The following PISD variants were observed in gnomAD, a reference collection of about 807,000 sequenced individuals.
PISD encodes the protein phosphatidylserine decarboxylase.
A neutral mutation model predicts 43.5 loss-of-function variants in PISD; 31 were observed. The ratio of observed to expected loss-of-function variants is 0.71; its 90% CI spans 0.54 to 0.96. PISD has a LOEUF of 0.96. Among genes scored for constraint, PISD ranks in the 40% least tolerant of loss-of-function variants. The probability of loss-of-function intolerance (pLI) is 0.00; values close to 1 mark genes in which losing one functional copy is unlikely to be tolerated. For synonymous variants in PISD, 259 were observed against 228.7 expected (o/e 1.13, Z -1.20); for missense variants, 523 against 548.4 (o/e 0.95, Z 0.46).
chr22:31,639,285 T>G (rs1482101199), intron 3 of PISD, among the ~76,000 whole-genome samples: 1 of 152,046 alleles, frequency 6.6e-6, no homozygotes, highest in African/African-American at 2.4e-5. Context: ...GATTCTCCTG[T>G]CTCAGCCTCC....
chr22:31,642,040 G>A (rs2073746169), intron 3 of PISD, among the ~76,000 whole-genome samples: 1 of 151,008 alleles, frequency 6.6e-6, no homozygotes, highest in Non-Finnish European at 1.5e-5. Context: ...AAGGCTTTAT[G>A]TGCAAAGGTA....
intron 7 of PISD, 97 bp downstream of exon 7, chr22:31,620,456 A>C: frequency 8.2e-7 from 1 of 1,219,754 alleles, no homozygotes; most frequent in Non-Finnish European, 1.2e-6. Context: ...TGGCCTCCCT[A>C]GAATTCAGTC....
At chr22:31,658,376 C>T (rs911931417) in intron 1 of PISD, among the ~76,000 whole-genome samples, 1 of 152,160 alleles carries the variant, frequency 6.6e-6, no homozygotes, top group Admixed American at 6.6e-5. Flanking sequence ...AAACTCACCT[C>T]ATTAGAAGAC....
chr22:31,619,752 G>C lies in PISD; in HGVS notation c.1090C>G (p.Pro364Ala), dbSNP rs753906406. The C allele has an allele frequency of 1.9e-5, 30 of 1,614,026 alleles. No homozygotes were observed. Among genetic ancestry groups the C allele is most frequent in the Non-Finnish European group, 2.5e-5 (29 of 1,179,952 alleles). ...CCCAGGTGCTCGCCCTTACGCATGG[G>C]GACGCCCTCTCTATTGGTGTGCGTC... is the stretch of plus-strand genomic sequence containing the variant. Reference protein sequence around the residue: ...FVTHTNREGVPMRKGEHLGEF... With the variant: ...FVTHTNREGVAMRKGEHLGEF... The change falls in exon 8 of 8, where the codon CCC becomes GCC. Residue 364 changes from proline (P) to alanine (A), a missense_variant. Transcript: ENST00000439502.
chr22:31,618,555 T>C lies in PISD; in HGVS notation c.*1057A>G, dbSNP rs1444754918. Reference sequence around the variant, plus strand: ...TTAAATGAATTACTGTTCAGAAGTCTCCCACTTTTCATACAAAAATACTGT... The same window carrying C: ...TTAAATGAATTACTGTTCAGAAGTCCCCCACTTTTCATACAAAAATACTGT... On this transcript the variant is annotated 3_prime_UTR_variant, in exon 8 of 8. Transcript: ENST00000439502. 4.6e-5 allele frequency: 40 copies of C among 871,690 alleles called. No individual in the cohort carries two copies. Among genetic ancestry groups the C allele is most frequent in the Non-Finnish European group, 6.5e-5 (40 of 618,454 alleles). The allele number at this position is 871,690 out of a possible 1,614,324, so 54.0% of individuals were successfully genotyped here. A position where few individuals can be genotyped will look rare whatever the true frequency, so the allele number is the denominator to read the frequency against.
In PISD at chr22:31,653,453, T is replaced by C. The variant is rs1322688453; in HGVS notation, c.66-2675A>G. Among the ~76,000 whole-genome samples, 5 of 152,096 alleles carry C rather than the reference T, an allele frequency of 3.3e-5. No individual in the cohort carries two copies. The South Asian group carries it at 8.3e-4, about 25-fold the overall frequency. On this transcript the variant is annotated intron_variant, in intron 1 of 7. Transcript: ENST00000439502. ...CAAGGCTTTGTCTGACAGGAGGAAATAGGAATGGGAGATGATCATTTATGT... is the reference window on the plus strand; with the variant it reads ...CAAGGCTTTGTCTGACAGGAGGAAACAGGAATGGGAGATGATCATTTATGT...
intron 1 of PISD, among the ~76,000 whole-genome samples, chr22:31,654,492 G>A (rs1274901037): frequency 2.6e-5 from 4 of 152,120 alleles, no homozygotes; most frequent in Non-Finnish European, 5.9e-5. Context: ...CTCAAACTGA[G>A]TCTGTAGAAG....
At chr22:31,649,351 A>T (rs1464436604) in intron 2 of PISD, among the ~76,000 whole-genome samples, 1 of 151,908 alleles carries the variant, frequency 6.6e-6, no homozygotes, top group Non-Finnish European at 1.5e-5. Context: ...CTCCCCCAAA[A>T]CTCTTATGTT....
At chr22:31,649,556 A>C (rs2073979429) in intron 2 of PISD, among the ~76,000 whole-genome samples, 1 of 151,844 alleles carries the variant, frequency 6.6e-6, no homozygotes, top group African/African-American at 2.4e-5. Context: ...ACACGGTGAA[A>C]CCCCGTCTCT....
intron 1 of PISD, among the ~76,000 whole-genome samples, chr22:31,659,419 A>C (rs2074260911): frequency 6.6e-6 from 1 of 151,930 alleles, no homozygotes; most frequent in Non-Finnish European, 1.5e-5. Flanking sequence ...TGTGGTTTGC[A>C]GTGGTAGGGA....
At chr22:31,625,614 C>T (rs146627665) in intron 3 of PISD, 1 of 958,882 alleles carries the variant, frequency 1.0e-6, no homozygotes, top group Non-Finnish European at 1.6e-6. Context: ...GGTGCTCAGG[C>T]CCCCCAGGCC....
chr22:31,621,569 T>TA, intron 4 of PISD, 80 bp downstream of exon 4: 1 of 1,595,040 alleles, frequency 6.3e-7, no homozygotes, highest in Non-Finnish European at 8.6e-7. Flanking sequence ...CCCTTCCAGA[T>TA]ACGCTGGAGA....
At chr22:31,633,306 T>G (rs1013979420) in intron 3 of PISD, among the ~76,000 whole-genome samples, 1 of 152,242 alleles carries the variant, frequency 6.6e-6, no homozygotes, top group African/African-American at 2.4e-5. Flanking sequence ...TCCCATGTGC[T>G]GAGAGATCTC....
Position 31,621,637 on chromosome 22 carries a change from G to T in PISD, c.558+12C>A. 6.2e-7 allele frequency: 1 copy of T among 1,610,140 alleles called. No individual in the cohort carries two copies. The highest frequency in any genetic ancestry group is 8.5e-7 in the Non-Finnish European group (1 of 1,177,246). ...GTCCTGTTTCCTGCAGGAGGAAAGG[G>T]TCAGGCCTCACCACGCTGTGCAGGC... On this transcript the variant is annotated intron_variant, in intron 4 of 7. Coordinates refer to ENST00000439502, the MANE Select transcript of PISD (RefSeq NM_001326411.2).
chr22:31,630,109 G>A lies in PISD; in HGVS notation c.322-8224C>T, dbSNP rs1443740522. On this transcript the variant is annotated intron_variant, in intron 3 of 7. Transcript: ENST00000439502. The surrounding 1 kb of genome is among the most constrained non-coding windows in gnomAD (Gnocchi z 4.4). ...TCCCTGCATTCCTGAGCTAGAAGCA[G>A]GCAAACTTCCCAAGTAGGAGACGGG... The A allele has an allele frequency of 2.0e-5, 3 of 152,154 alleles. No homozygotes were observed. The highest frequency in any genetic ancestry group is 4.4e-5 in the Non-Finnish European group (3 of 68,068). 9.4% of individuals were successfully genotyped at this position (152,154 alleles called of 1,614,324 possible).
At chr22:31,648,650 G>C (rs1423434374) in intron 2 of PISD, among the ~76,000 whole-genome samples, 1 of 148,826 alleles carries the variant, frequency 6.7e-6, no homozygotes, top group African/African-American at 2.5e-5. Flanking sequence ...CTAGGTAACA[G>C]AGCGAGACTC....
chr22:31,652,977 T>A (rs2074069800), intron 1 of PISD, among the ~76,000 whole-genome samples: 1 of 149,604 alleles, frequency 6.7e-6, no homozygotes, highest in Admixed American at 6.7e-5. Context: ...AGGCAGAGGT[T>A]ACAGTGAGCC....
chr22:31,638,312 G>T, intron 3 of PISD: 1 of 947,764 alleles, frequency 1.1e-6, no homozygotes, highest in Non-Finnish European at 1.3e-6. Flanking sequence ...GTCCCTTCTG[G>T]AGAGTCTGGA....
In PISD at chr22:31,619,553, A is replaced by AAAAG. The variant is rs759601970; in HGVS notation, c.*55_*58dup. 4 of 1,462,032 alleles carry AAAAG rather than the reference A, an allele frequency of 2.7e-6. No homozygotes were observed. The African/African-American group carries it at 5.6e-5, about 20-fold the overall frequency. 90.6% of individuals were successfully genotyped at this position (1,462,032 alleles called of 1,614,324 possible). A position where few individuals can be genotyped will look rare whatever the true frequency, so the allele number is the denominator to read the frequency against. The stretch of plus-strand genomic sequence containing the variant: ...GATGGCCTCATGGGCCTCCCTCTTG[A>AAAAG]AAAGACCCTCACTCTGTTTGGAAAA... On this transcript the variant is annotated 3_prime_UTR_variant, in exon 8 of 8. Transcript: ENST00000439502.
Sources: gnomAD v4.1 joint callset for allele counts (sites outside exome capture counted in the v4.1 genomes callset) on GRCh38, gnomAD v4.1.1 for gene constraint, Gnocchi (gnomAD v3.1) non-coding constraint, MANE v1.5 for transcripts, NCBI Gene and HGNC (gene_info 2026-07-23, HGNC 2026-07-21) for gene names.